Variants in CTNNBIP1 observed in about 807,000 individuals in gnomAD.
CTNNBIP1 encodes catenin beta interacting protein 1, also known as beta-catenin-interacting protein 1.
Under a neutral mutation model 11.8 loss-of-function variants are expected in CTNNBIP1, and 7 were observed. The observed-to-expected ratio is 0.60, with a 90% confidence interval of 0.34 to 1.12. CTNNBIP1 has a LOEUF of 1.12. CTNNBIP1 is among the 50% of genes most tolerant of loss of function. The pLI is 0.03. For missense variants in CTNNBIP1, 101 were observed against 113.4 expected (o/e 0.89, Z 0.50); for synonymous variants, 58 against 43.9 (o/e 1.32, Z -1.26).
intron 5 of CTNNBIP1, among the ~76,000 whole-genome samples, chr1:9,858,638 T>A (rs1341186957): frequency 6.6e-6 from 1 of 152,116 alleles, no homozygotes; most frequent in African/African-American, 2.4e-5. Flanking sequence ...GTGAATGAGG[T>A]CTTCAGCACC....
In CTNNBIP1 at chr1:9,871,371, C is replaced by A; in HGVS notation, c.97-94G>T. On this transcript the variant is annotated intron_variant, in intron 4 of 5. Transcript: ENST00000377263. This position sits in a 1 kb window ranked among gnomAD's most constrained non-coding sequence, Gnocchi z 5.2. ...GAGGCACCGCCTAGGCCTGCTTGGT[C>A]CCTGCTTGGTCCCTGCTCGGGCTTC... is the stretch of plus-strand genomic sequence containing the variant. 2.1e-6 allele frequency: 2 copies of A among 935,102 alleles called. No individual in the cohort carries two copies. The highest frequency in any genetic ancestry group is 2.8e-5 in the South Asian group (2 of 70,912). 57.9% of individuals were successfully genotyped at this position (935,102 alleles called of 1,614,324 possible).
At chr1:9,859,559 C>T (rs909364381) in intron 5 of CTNNBIP1, among the ~76,000 whole-genome samples, 1 of 152,224 alleles carries the variant, frequency 6.6e-6, no homozygotes, top group African/African-American at 2.4e-5. Context: ...CTGAGAATCC[C>T]TCTTGCTATT....
chr1:9,853,761 G>A (rs1281314561), intron 5 of CTNNBIP1, among the ~76,000 whole-genome samples: 1 of 152,204 alleles, frequency 6.6e-6, no homozygotes, highest in Non-Finnish European at 1.5e-5. Context: ...GGAGGGGAGA[G>A]GTTGATCTGT....
intron 1 of CTNNBIP1, among the ~76,000 whole-genome samples, chr1:9,906,631 G>A (rs1275517881): frequency 6.6e-6 from 1 of 152,208 alleles, no homozygotes; most frequent in Non-Finnish European, 1.5e-5. Flanking sequence ...GTCAGCACCA[G>A]CAGCAGCTGT....
chr1:9,900,142 G>T (rs1033275483), intron 1 of CTNNBIP1, among the ~76,000 whole-genome samples: 1 of 151,910 alleles, frequency 6.6e-6, no homozygotes, highest in South Asian at 2.1e-4. Context: ...TGTGGCTCAC[G>T]CTTGTAATCC....
intron 1 of CTNNBIP1, among the ~76,000 whole-genome samples, chr1:9,904,906 A>G (rs1639588334): frequency 6.6e-6 from 1 of 152,144 alleles, no homozygotes; most frequent in Admixed American, 6.6e-5. Flanking sequence ...AAGGAAGCTC[A>G]ATAAAATGCA....
intron 5 of CTNNBIP1, among the ~76,000 whole-genome samples, chr1:9,857,743 G>A (rs1638539364): frequency 6.6e-6 from 1 of 152,208 alleles, no homozygotes; most frequent in Non-Finnish European, 1.5e-5. Context: ...GGAGGCTGCA[G>A]TGAGCTGAGA....
At chr1:9,880,361 C>A (rs1455536728) in intron 2 of CTNNBIP1, among the ~76,000 whole-genome samples, 1 of 152,176 alleles carries the variant, frequency 6.6e-6, no homozygotes, top group Non-Finnish European at 1.5e-5. Context: ...GCCACATTTT[C>A]TTTATCCAGT....
At chr1:9,857,226 A>G (rs980260254) in intron 5 of CTNNBIP1, among the ~76,000 whole-genome samples, 8 of 152,176 alleles carry the variant, frequency 5.3e-5, no homozygotes, top group Non-Finnish European at 1.0e-4. Flanking sequence ...CACGCCTGTA[A>G]TCCCAGCACT....
At chr1:9,894,548 G>C (rs978983804) in intron 1 of CTNNBIP1, among the ~76,000 whole-genome samples, 1 of 150,548 alleles carries the variant, frequency 6.6e-6, no homozygotes, top group Admixed American at 6.6e-5. Context: ...TCTTTTGTGA[G>C]ACAGGGTCTC....
At chr1:9,906,023 G>T (rs1243042830) in intron 1 of CTNNBIP1, among the ~76,000 whole-genome samples, 1 of 152,168 alleles carries the variant, frequency 6.6e-6, no homozygotes, top group African/African-American at 2.4e-5. Flanking sequence ...ATAAAAAAAG[G>T]CGAAATAATG....
At chr1:9,894,099 CG>C (rs1330950173) in intron 1 of CTNNBIP1, among the ~76,000 whole-genome samples, 1 of 152,036 alleles carries the variant, frequency 6.6e-6, no homozygotes, top group Non-Finnish European at 1.5e-5. Context: ...TCCAAAGCCA[CG>C]GAAGAGCTAA....
At chr1:9,901,824 C>T (rs530071919) in intron 1 of CTNNBIP1, among the ~76,000 whole-genome samples, 2 of 152,308 alleles carry the variant, frequency 1.3e-5, no homozygotes, top group East Asian at 3.9e-4. Flanking sequence ...CTTGAAGGGC[C>T]AGCTGATTAG....
chr1:9,868,595 A>C (rs182169426), intron 5 of CTNNBIP1, among the ~76,000 whole-genome samples: 121 of 152,322 alleles, frequency 7.9e-4, no homozygotes, highest in African/African-American at 2.5e-3. Flanking sequence ...GGAAAGTTAA[A>C]GTTTCTTATA....
rs747177761 is a variant in CTNNBIP1 at position 9,909,410 on chromosome 1, G to C, written c.-144+685C>G. On this transcript the variant is annotated intron_variant, in intron 1 of 5. Coordinates refer to ENST00000377263, the MANE Select transcript of CTNNBIP1 (RefSeq NM_020248.3). ...CTGACAACAGGCACTGCTCAGACAA[G>C]TTCAGCTCACAAGGCAGAGGGAGGG... Among the ~76,000 whole-genome samples, 180 of 152,164 alleles carry C rather than the reference G, an allele frequency of 1.2e-3. 2 individuals carry two copies. Among genetic ancestry groups the C allele is most frequent in the Non-Finnish European group, 1.1e-3 (74 of 68,034 alleles).
At position 9,886,774 on chromosome 1, in the gene CTNNBIP1, G is replaced by A. The variant is rs375726186; in HGVS notation, c.-143-3036C>T. Among the ~76,000 whole-genome samples, 3 of 152,202 alleles carry A rather than the reference G, an allele frequency of 2.0e-5. No individual in the cohort carries two copies. In the East Asian group the frequency reaches 5.8e-4, roughly 29 times the overall value. On this transcript the variant is annotated intron_variant, in intron 1 of 5. Coordinates refer to ENST00000377263, the MANE Select transcript of CTNNBIP1 (RefSeq NM_020248.3). ...GGGGCAGAGGCCTGCCGCAGCTCCT[G>A]CTAGAGTCCCACACAAGGTAGCACC...
chr1:9,891,710 G>T (rs930634570), intron 1 of CTNNBIP1, among the ~76,000 whole-genome samples: 1 of 151,924 alleles, frequency 6.6e-6, no homozygotes, highest in Non-Finnish European at 1.5e-5. Flanking sequence ...GGGAGACTGA[G>T]GTAGGAGAAT....
At chr1:9,852,137 G>A (rs1286363282) in intron 5 of CTNNBIP1, among the ~76,000 whole-genome samples, 1 of 152,140 alleles carries the variant, frequency 6.6e-6, no homozygotes, top group Non-Finnish European at 1.5e-5. Flanking sequence ...CATGTGAAAT[G>A]GAGTCAGCAG....
chr1:9,853,013 C>T (rs1235631146), intron 5 of CTNNBIP1, among the ~76,000 whole-genome samples: 2 of 152,214 alleles, frequency 1.3e-5, no homozygotes, highest in Non-Finnish European at 2.9e-5. Flanking sequence ...CTCCAGGTCA[C>T]ACAGGGACTC....
Sources: gnomAD v4.1 joint callset for allele counts (sites outside exome capture counted in the v4.1 genomes callset) on GRCh38, gnomAD v4.1.1 for gene constraint, Gnocchi (gnomAD v3.1) non-coding constraint, MANE v1.5 for transcripts, NCBI Gene and HGNC (gene_info 2026-07-23, HGNC 2026-07-21) for gene names.